The following TRAPPC9 variants were observed in gnomAD, a reference collection of about 807,000 sequenced individuals.
TRAPPC9 encodes IKK2 binding protein.
In TRAPPC9, 83 loss-of-function variants were observed where a neutral mutation model predicts 124.0. The observed-to-expected ratio is 0.67, with a 90% CI of 0.56 to 0.80. The LOEUF is 0.80. TRAPPC9 is among the 30% of genes least tolerant of loss of function. TRAPPC9 has a pLI of 0.00. For missense variants in TRAPPC9, 1,302 were observed against 1,508.3 expected (o/e 0.86, Z 2.27); for synonymous variants, 638 against 617.5 (o/e 1.03, Z -0.49).
Position 140,353,186 on chromosome 8 carries a change from T to C in TRAPPC9, c.1495+6864A>G, listed in dbSNP as rs6993110. Among the ~76,000 whole-genome samples, 38,298 of 151,996 alleles carry C rather than the reference T, an allele frequency of 0.25. 5,513 individuals are homozygous for C. The highest frequency in any genetic ancestry group is 0.41 in the Middle Eastern group (121 of 294). On this transcript the variant is annotated intron_variant, in intron 9 of 22. Coordinates refer to ENST00000438773, the MANE Select transcript of TRAPPC9 (RefSeq NM_001160372.4). This position sits in a 1 kb window ranked among gnomAD's most constrained non-coding sequence, Gnocchi z 4.2. ...AATCATGTGCAACGCAAACCATCTATACTCTAGCGTGAGAACATCACACTC... is the reference window on the plus strand; with the variant it reads ...AATCATGTGCAACGCAAACCATCTACACTCTAGCGTGAGAACATCACACTC...
At chr8:140,184,851 C>T (rs532750932) in intron 17 of TRAPPC9, among the ~76,000 whole-genome samples, 2 of 152,322 alleles carry the variant, frequency 1.3e-5, no homozygotes, top group African/African-American at 2.4e-5. Context: ...GGAAAAAGAA[C>T]ATGCCTGCGC....
chr8:139,807,551 G>A (rs1464312719), intron 21 of TRAPPC9, among the ~76,000 whole-genome samples: 3 of 152,172 alleles, frequency 2.0e-5, no homozygotes, highest in African/African-American at 7.2e-5. Flanking sequence ...AAAACGCAAT[G>A]AACAGCACAG....
Position 139,999,964 on chromosome 8 carries a change from G to T in TRAPPC9, c.2700-11128C>A, listed in dbSNP as rs1563678692. ...TTAAGTGATTATATAAGAAAGAACG[G>T]CTTCAAATCAATAAGCCTATCTTCT... On this transcript the variant is annotated intron_variant, in intron 18 of 22. Coordinates refer to ENST00000438773, the MANE Select transcript of TRAPPC9 (RefSeq NM_001160372.4). 1.3e-5 allele frequency among the ~76,000 whole-genome samples: 2 copies of T among 152,130 alleles called. 1 individual carries two copies. The highest frequency in any genetic ancestry group is 4.1e-4 in the South Asian group (2 of 4,824).
chr8:139,966,448 G>A (rs1011779168), intron 19 of TRAPPC9, among the ~76,000 whole-genome samples: 14 of 152,202 alleles, frequency 9.2e-5, no homozygotes, highest in East Asian at 1.9e-4. Flanking sequence ...CTCCTGCAGC[G>A]GTGGGGCTCC....
At chr8:140,453,891 C>A (rs1314001704) in intron 1 of TRAPPC9, among the ~76,000 whole-genome samples, 1 of 152,210 alleles carries the variant, frequency 6.6e-6, no homozygotes, top group Non-Finnish European at 1.5e-5. Context: ...TCATGTTTCT[C>A]AAAAGTAGGC....
intron 21 of TRAPPC9, among the ~76,000 whole-genome samples, chr8:139,838,835 C>T (rs1826534704): frequency 6.6e-6 from 1 of 152,200 alleles, no homozygotes; most frequent in Non-Finnish European, 1.5e-5. Flanking sequence ...CATCGGTTTT[C>T]TTCCTCCTGC....
chr8:139,858,931 T>C (rs1827966127), intron 21 of TRAPPC9, among the ~76,000 whole-genome samples: 1 of 147,590 alleles, frequency 6.8e-6, no homozygotes, highest in African/African-American at 2.5e-5. Context: ...ACGGTCTCCA[T>C]CTAGAAGCCG....
intron 9 of TRAPPC9, among the ~76,000 whole-genome samples, chr8:140,357,080 G>A (rs1185277710): frequency 6.6e-6 from 1 of 152,178 alleles, no homozygotes; most frequent in Non-Finnish European, 1.5e-5. Flanking sequence ...GCAGAATGAG[G>A]TTTTCTCCCA....
intron 21 of TRAPPC9, among the ~76,000 whole-genome samples, chr8:139,881,801 G>A (rs561104131): frequency 6.6e-6 from 1 of 152,320 alleles, no homozygotes; most frequent in African/African-American, 2.4e-5. Flanking sequence ...GGCAGCTCTT[G>A]GGCCAATTCC....
rs199926264 is a variant in TRAPPC9, at chr8:140,437,150, A to AT, written c.730+1901dup. 7.1e-3 allele frequency among the ~76,000 whole-genome samples: 840 copies of AT among 118,260 alleles called. 9 individuals are homozygous for AT. Among genetic ancestry groups the AT allele is most frequent in the African/African-American group, 0.018 (696 of 37,964 alleles). 77.6% of individuals were successfully genotyped at this position (118,260 alleles called of 152,430 possible). On this transcript the variant is annotated intron_variant, in intron 3 of 22. Coordinates refer to ENST00000438773, the MANE Select transcript of TRAPPC9 (RefSeq NM_001160372.4). ...AGCTAATGTCTTTTTATTTTATTTTATTTTATTTTATTTTGGTAGAAGTGA... is the reference window on the plus strand; with the variant it reads ...AGCTAATGTCTTTTTATTTTATTTTATTTTTATTTTATTTTGGTAGAAGTGA...
chr8:140,331,571 C>T (rs2066894498), intron 9 of TRAPPC9, among the ~76,000 whole-genome samples: 1 of 151,978 alleles, frequency 6.6e-6, no homozygotes, highest in Non-Finnish European at 1.5e-5. Context: ...ACTATTCATC[C>T]AACAAGGGAC....
chr8:140,198,687 C>T (rs1168417045), intron 17 of TRAPPC9, among the ~76,000 whole-genome samples: 3 of 152,148 alleles, frequency 2.0e-5, no homozygotes, highest in Non-Finnish European at 2.9e-5. Context: ...TTGCAATTCC[C>T]CTGTCTTAAT....
chr8:140,205,513 T>G (rs577365208), intron 17 of TRAPPC9, among the ~76,000 whole-genome samples: 1 of 152,312 alleles, frequency 6.6e-6, no homozygotes, highest in East Asian at 1.9e-4. Flanking sequence ...AACTTTAACT[T>G]AAATAAACAG....
intron 19 of TRAPPC9, among the ~76,000 whole-genome samples, chr8:139,954,825 T>C (rs1834873609): frequency 6.6e-6 from 1 of 152,104 alleles, no homozygotes. Flanking sequence ...ATGTTGAGAA[T>C]ACAGATCCAC....
intron 17 of TRAPPC9, among the ~76,000 whole-genome samples, chr8:140,030,890 G>A (rs576469939): frequency 1.3e-5 from 2 of 152,166 alleles, no homozygotes; most frequent in Non-Finnish European, 2.9e-5. Context: ...AGAAACTATG[G>A]AGGGTGATAA....
chr8:140,198,918 G>A (rs1029005785), intron 17 of TRAPPC9, among the ~76,000 whole-genome samples: 2 of 152,170 alleles, frequency 1.3e-5, no homozygotes, highest in South Asian at 4.1e-4. Flanking sequence ...CAGATACAGT[G>A]CTTGCAATGA....
rs182190640 is a variant in TRAPPC9 at position 140,374,906 on chromosome 8, C to T, written c.1135-3726G>A. Among the ~76,000 whole-genome samples the T allele has an allele frequency of 3.2e-3, 491 of 152,300 alleles. 3 individuals carry two copies. The highest frequency in any genetic ancestry group is 4.8e-3 in the Admixed American group (73 of 15,298). On this transcript the variant is annotated intron_variant, in intron 7 of 22. Coordinates refer to ENST00000438773, the MANE Select transcript of TRAPPC9 (RefSeq NM_001160372.4). ...TGATCAGTAATAATATTACTTCATT[C>T]CTCTTATCATTTCAGTGTAATAAGA...
chr8:139,963,008 A>T (rs1033918681), intron 19 of TRAPPC9, among the ~76,000 whole-genome samples: 2 of 152,160 alleles, frequency 1.3e-5, no homozygotes, highest in African/African-American at 2.4e-5. Flanking sequence ...GAAAATAATA[A>T]ATGTGTGTTG....
At chr8:140,334,706 T>C (rs1270592213) in intron 9 of TRAPPC9, among the ~76,000 whole-genome samples, 2 of 152,050 alleles carry the variant, frequency 1.3e-5, no homozygotes, top group African/African-American at 4.8e-5. Context: ...ATGTATTGAC[T>C]ACTTTCTAGT....
Sources: allele counts gnomAD v4.1 joint callset (sites outside exome capture counted in the v4.1 genomes callset), GRCh38; gene constraint gnomAD v4.1.1; non-coding constraint Gnocchi (gnomAD v3.1); transcripts MANE v1.5; gene names NCBI Gene and HGNC (gene_info 2026-07-23, HGNC 2026-07-21).